The following PTPRD variants were observed in gnomAD, a reference collection of about 807,000 sequenced individuals.
PTPRD encodes protein tyrosine phosphatase receptor type D, also known as receptor-type tyrosine-protein phosphatase delta.
In PTPRD, 34 loss-of-function variants were observed where a neutral mutation model predicts 214.5. That is an observed-to-expected ratio of 0.16 (90% CI 0.12 to 0.21). The LOEUF is 0.21. PTPRD is among the 10% of genes least tolerant of loss of function. The probability of loss-of-function intolerance (pLI) is 1.00; values close to 1 mark genes in which losing one functional copy is unlikely to be tolerated. For synonymous variants in PTPRD, 1,128 were observed against 845.7 expected, an observed-to-expected ratio of 1.33 and a Z score of -5.79; for missense variants, 2,545 against 2,398.7, an observed-to-expected ratio of 1.06 and a Z score of -1.27.
intron 2 of PTPRD, among the ~76,000 whole-genome samples, chr9:10,434,724 G>C (rs1362697666): frequency 6.6e-6 from 1 of 151,888 alleles, no homozygotes; most frequent in Non-Finnish European, 1.5e-5. Context: ...GCTATTGGTG[G>C]AGAAGATTCT....
At chr9:9,354,195 C>T (rs1241715084) in intron 9 of PTPRD, among the ~76,000 whole-genome samples, 1 of 151,774 alleles carries the variant, frequency 6.6e-6, no homozygotes, top group Non-Finnish European at 1.5e-5. Context: ...TTAAAGTTAA[C>T]TGTCCCATAT....
chr9:8,885,066 A>G (rs1179278194), intron 11 of PTPRD, among the ~76,000 whole-genome samples: 1 of 152,210 alleles, frequency 6.6e-6, no homozygotes, highest in East Asian at 1.9e-4. Flanking sequence ...TGAAGTGCTG[A>G]TTGTGTTGAA....
chr9:9,143,713 G>A (rs922334035), intron 10 of PTPRD, among the ~76,000 whole-genome samples: 2 of 152,126 alleles, frequency 1.3e-5, no homozygotes, highest in Non-Finnish European at 2.9e-5. Context: ...TAATAATTTG[G>A]TCACACATTT....
At chr9:8,439,237 G>C (rs2095461589) in intron 34 of PTPRD, among the ~76,000 whole-genome samples, 1 of 152,096 alleles carries the variant, frequency 6.6e-6, no homozygotes, top group South Asian at 2.1e-4. Flanking sequence ...TTCTGGTTTT[G>C]GCATCTACTA....
chr9:9,871,780 A>G (rs2065519500), intron 5 of PTPRD, among the ~76,000 whole-genome samples: 1 of 152,102 alleles, frequency 6.6e-6, no homozygotes, highest in Non-Finnish European at 1.5e-5. Context: ...GGCAGAGGGT[A>G]AGCAACCTAA....
chr9:10,541,334 C>G (rs7849472), intron 2 of PTPRD, among the ~76,000 whole-genome samples: 1 of 152,040 alleles, frequency 6.6e-6, no homozygotes. Context: ...ATCCAATTGA[C>G]GGAACTTATT....
At chr9:10,607,993 T>C (rs190143927) in intron 2 of PTPRD, among the ~76,000 whole-genome samples, 83 of 152,164 alleles carry the variant, frequency 5.5e-4, no homozygotes, top group Admixed American at 4.7e-3. Context: ...AAAACCTCTC[T>C]GTGAAACTGG....
At chr9:9,800,218 C>A (rs2099030018) in intron 5 of PTPRD, among the ~76,000 whole-genome samples, 1 of 152,056 alleles carries the variant, frequency 6.6e-6, no homozygotes, top group Non-Finnish European at 1.5e-5. Flanking sequence ...ACTTGCAGTA[C>A]CAGCTACTCC....
intron 2 of PTPRD, among the ~76,000 whole-genome samples, chr9:10,397,824 A>C (rs2098199564): frequency 6.6e-6 from 1 of 151,976 alleles, no homozygotes; most frequent in Non-Finnish European, 1.5e-5. Context: ...TATACCATAT[A>C]GTCTAGCTGT....
intron 7 of PTPRD, among the ~76,000 whole-genome samples, chr9:9,699,599 T>A (rs145359875): frequency 6.6e-6 from 1 of 152,258 alleles, no homozygotes; most frequent in African/African-American, 2.4e-5. Flanking sequence ...AAATATCCCA[T>A]TTCGGAAAAT....
chr9:9,432,582 C>G (rs1205899546), intron 8 of PTPRD, among the ~76,000 whole-genome samples: 1 of 152,076 alleles, frequency 6.6e-6, no homozygotes, highest in African/African-American at 2.4e-5. Context: ...ATCTTTTATT[C>G]TTTTGAATCA....
intron 39 of PTPRD, among the ~76,000 whole-genome samples, chr9:8,343,037 C>T (rs998227269): frequency 3.3e-5 from 5 of 151,996 alleles, no homozygotes; most frequent in African/African-American, 9.7e-5. Context: ...ACCTTTGCAA[C>T]GAAGATACCA....
chr9:9,552,692 G>A (rs528751642), intron 8 of PTPRD, among the ~76,000 whole-genome samples: 11 of 152,084 alleles, frequency 7.2e-5, no homozygotes, highest in South Asian at 2.1e-4. Flanking sequence ...TAGATTCCTC[G>A]GTTCAAGGTT....
At chr9:9,592,948 G>C (rs1252206796) in intron 7 of PTPRD, among the ~76,000 whole-genome samples, 3 of 151,998 alleles carry the variant, frequency 2.0e-5, no homozygotes, top group East Asian at 3.9e-4. Flanking sequence ...GGGAGGCTGA[G>C]ACATGAGAAT....
At chr9:10,050,400 A>T (rs1399207936) in intron 3 of PTPRD, among the ~76,000 whole-genome samples, 1 of 151,688 alleles carries the variant, frequency 6.6e-6, no homozygotes, top group Non-Finnish European at 1.5e-5. Context: ...TTTACTAAAA[A>T]TACAAAAAAA....
At chr9:8,428,303 G>A (rs911127181) in intron 35 of PTPRD, among the ~76,000 whole-genome samples, 2 of 152,150 alleles carry the variant, frequency 1.3e-5, no homozygotes, top group East Asian at 1.9e-4. Context: ...CAATCCCAGT[G>A]TATTAGGAGA....
chr9:9,491,122 A>T (rs2095875382), intron 8 of PTPRD, among the ~76,000 whole-genome samples: 1 of 151,966 alleles, frequency 6.6e-6, no homozygotes, highest in African/African-American at 2.4e-5. Context: ...TCATGCAAAT[A>T]GTAAGCAAAA....
chr9:9,122,022 G>C (rs578215852), intron 10 of PTPRD, among the ~76,000 whole-genome samples: 1 of 152,150 alleles, frequency 6.6e-6, no homozygotes, highest in Non-Finnish European at 1.5e-5. Flanking sequence ...TGTTACATGA[G>C]GGGAGACTCC....
chr9:9,984,630 GT>G (rs2095648226), intron 4 of PTPRD, among the ~76,000 whole-genome samples: 1 of 152,134 alleles, frequency 6.6e-6, no homozygotes, highest in African/African-American at 2.4e-5. Context: ...GCTAGTGGAG[GT>G]GCACATGGGC....
Sources: gnomAD v4.1 joint callset for allele counts (sites outside exome capture counted in the v4.1 genomes callset) on GRCh38, gnomAD v4.1.1 for gene constraint, MANE v1.5 for transcripts, NCBI Gene and HGNC (gene_info 2026-07-23, HGNC 2026-07-21) for gene names.